The following BMP2K variants were observed in gnomAD, a reference collection of about 807,000 sequenced individuals.
The protein encoded by BMP2K is BMP2 inducible kinase, also known as BMP-2-inducible protein kinase.
BMP2K carries 74 observed loss-of-function variants against 116.0 expected under a neutral mutation model. The observed-to-expected ratio is 0.64, with a 90% CI of 0.53 to 0.77. The LOEUF is 0.77. BMP2K is among the 30% of genes least tolerant of loss of function. The probability of loss-of-function intolerance (pLI) is 0.00; values close to 1 mark genes in which losing one functional copy is unlikely to be tolerated. For missense variants in BMP2K, 1,365 were observed against 1,403.6 expected (o/e 0.97, Z 0.44); for synonymous variants, 486 against 502.5 (o/e 0.97, Z 0.44).
chr4:78,848,700 A>G (rs765560361), intron 6 of BMP2K, among the ~76,000 whole-genome samples: 2 of 151,510 alleles, frequency 1.3e-5, no homozygotes, highest in Non-Finnish European at 3.0e-5. Flanking sequence ...GTAGCATACT[A>G]AATTGTCAAT....
intron 1 of BMP2K, among the ~76,000 whole-genome samples, chr4:78,778,850 A>G (rs921582837): frequency 1.3e-5 from 2 of 152,240 alleles, no homozygotes; most frequent in African/African-American, 4.8e-5. Context: ...AGTTTAGAGT[A>G]CTTGATTTGG....
At chr4:78,867,268 C>T (rs1336117905) in intron 10 of BMP2K, among the ~76,000 whole-genome samples, 1 of 152,092 alleles carries the variant, frequency 6.6e-6, no homozygotes, top group African/African-American at 2.4e-5. Context: ...GAAGCTAAAG[C>T]CTCAGTAGCT....
intron 1 of BMP2K, among the ~76,000 whole-genome samples, chr4:78,796,743 T>C (rs1178291389): frequency 2.0e-5 from 3 of 152,144 alleles, no homozygotes; most frequent in African/African-American, 7.2e-5. Flanking sequence ...GTGTAACGGA[T>C]GATTGTGGTC....
At chr4:78,841,156 C>T (rs758446587) in intron 3 of BMP2K, among the ~76,000 whole-genome samples, 49 of 152,150 alleles carry the variant, frequency 3.2e-4, no homozygotes, top group Non-Finnish European at 6.2e-4. Flanking sequence ...GAAAAATATT[C>T]TCAGAAAAGA....
chr4:78,818,269 G>A (rs1166193813), intron 1 of BMP2K, among the ~76,000 whole-genome samples: 1 of 152,042 alleles, frequency 6.6e-6, no homozygotes, highest in African/African-American at 2.4e-5. Flanking sequence ...AATCCTTCAG[G>A]TATATACCCA....
At chr4:78,827,425 T>C (rs1352261859) in intron 2 of BMP2K, among the ~76,000 whole-genome samples, 1 of 152,172 alleles carries the variant, frequency 6.6e-6, no homozygotes, top group Non-Finnish European at 1.5e-5. Context: ...TAGCCATTGG[T>C]AGTCTCTGTC....
intron 2 of BMP2K, among the ~76,000 whole-genome samples, chr4:78,831,290 A>G (rs970175493): frequency 2.6e-5 from 4 of 152,260 alleles, no homozygotes; most frequent in African/African-American, 9.6e-5. Context: ...AACTGTTGTT[A>G]TAATAATGGC....
intron 1 of BMP2K, among the ~76,000 whole-genome samples, chr4:78,812,237 A>G (rs1729130281): frequency 6.6e-6 from 1 of 152,176 alleles, no homozygotes; most frequent in Admixed American, 6.5e-5. Context: ...CCAAAGTATT[A>G]GGACTACAGG....
Position 78,912,142 on chromosome 4 carries a change from TC to T in BMP2K, c.*110del. 3.1e-6 allele frequency: 3 copies of T among 964,494 alleles called. No individual in the cohort carries two copies. The allele number at this position is 964,494 out of a possible 1,614,324, so 59.7% of individuals were successfully genotyped here. ...TCTTTATAGCATTCATTCTTAAAGA[TC>T]AGTCAGAATAGGTGATTTCTAAATA... On this transcript the variant is annotated 3_prime_UTR_variant, in exon 16 of 16. Transcript: ENST00000502613.
intron 9 of BMP2K, among the ~76,000 whole-genome samples, chr4:78,864,327 A>G (rs965042621): frequency 2.0e-5 from 3 of 152,120 alleles, no homozygotes; most frequent in African/African-American, 7.2e-5. Context: ...TGCCACATCA[A>G]TAATTTAATG....
intron 15 of BMP2K, among the ~76,000 whole-genome samples, chr4:78,904,359 T>C (rs1239898118): frequency 6.6e-6 from 1 of 151,946 alleles, no homozygotes; most frequent in Non-Finnish European, 1.5e-5. Flanking sequence ...TGCTTCAGGA[T>C]ATTAGTTCCT....
At chr4:78,901,640 C>G (rs1734011660) in intron 15 of BMP2K, among the ~76,000 whole-genome samples, 1 of 152,144 alleles carries the variant, frequency 6.6e-6, no homozygotes, top group Admixed American at 6.6e-5. Context: ...CCCACATTCC[C>G]TTTCTTCTCC....
intron 1 of BMP2K, among the ~76,000 whole-genome samples, chr4:78,793,835 C>T (rs1312298424): frequency 1.3e-5 from 2 of 150,792 alleles, no homozygotes; most frequent in African/African-American, 4.9e-5. Flanking sequence ...TATATTGGGT[C>T]AAAAATGTAT....
At chr4:78,867,402 G>A (rs1231977052) in intron 10 of BMP2K, among the ~76,000 whole-genome samples, 3 of 152,128 alleles carry the variant, frequency 2.0e-5, no homozygotes, top group Non-Finnish European at 4.4e-5. Flanking sequence ...AATGTTGTAT[G>A]AGATTATTCA....
chr4:78,891,348 C>G (rs534601185), intron 15 of BMP2K, among the ~76,000 whole-genome samples: 1 of 152,078 alleles, frequency 6.6e-6, no homozygotes, highest in Admixed American at 6.6e-5. Context: ...TTAACTTGTT[C>G]TGAATATTCA....
At chr4:78,843,829 A>G (rs1577919285) in intron 4 of BMP2K, among the ~76,000 whole-genome samples, 1 of 151,976 alleles carries the variant, frequency 6.6e-6, no homozygotes, top group East Asian at 1.9e-4. Flanking sequence ...TGATATCTTC[A>G]GCTGACTCTT....
chr4:78,813,436 C>G (rs969346069), intron 1 of BMP2K, among the ~76,000 whole-genome samples: 2 of 152,146 alleles, frequency 1.3e-5, no homozygotes, highest in Non-Finnish European at 2.9e-5. Context: ...TTCCATTTCT[C>G]TTGGAGCAAA....
At chr4:78,829,541 A>G (rs771418042) in intron 2 of BMP2K, among the ~76,000 whole-genome samples, 1 of 151,440 alleles carries the variant, frequency 6.6e-6, no homozygotes, top group Admixed American at 6.6e-5. Flanking sequence ...ACTTCCTCCT[A>G]TGGGTCACAA....
chr4:78,873,236 A>G (rs775155127), intron 13 of BMP2K, among the ~76,000 whole-genome samples: 37 of 152,196 alleles, frequency 2.4e-4, no homozygotes, highest in African/African-American at 1.7e-4. Flanking sequence ...ATTTTTACAT[A>G]TATGTATTTT....
Sources: gnomAD v4.1 joint callset for allele counts (sites outside exome capture counted in the v4.1 genomes callset) on GRCh38, gnomAD v4.1.1 for gene constraint, MANE v1.5 for transcripts, NCBI Gene and HGNC (gene_info 2026-07-23, HGNC 2026-07-21) for gene names.